ASTN2: variants seen among roughly 807,000 people sequenced by gnomAD.
ASTN2 encodes the protein astrotactin 2.
In ASTN2, 54 loss-of-function variants were observed where a neutral mutation model predicts 139.8. That is an observed-to-expected ratio of 0.39 (90% confidence interval 0.31 to 0.48). The LOEUF is 0.48. Among genes scored for constraint, ASTN2 ranks in the 20% least tolerant of loss-of-function variants. The pLI, the probability that ASTN2 is intolerant of heterozygous loss-of-function variation, is 0.95. For missense variants in ASTN2, 1,565 were observed against 1,725.1 expected, an observed-to-expected ratio of 0.91 and a Z score of 1.64; for synonymous variants, 756 against 719.5, an observed-to-expected ratio of 1.05 and a Z score of -0.81.
At chr9:117,217,584 C>G (rs924859200) in intron 2 of ASTN2, among the ~76,000 whole-genome samples, 1 of 152,208 alleles carries the variant, frequency 6.6e-6, no homozygotes, top group Non-Finnish European at 1.5e-5. Context: ...TGCTTAGACA[C>G]TCTGTGACCT....
At chr9:117,411,064 C>A (rs181962835) in intron 1 of ASTN2, among the ~76,000 whole-genome samples, 733 of 152,270 alleles carry the variant, frequency 4.8e-3, no homozygotes, top group Non-Finnish European at 8.4e-3. Flanking sequence ...AGGTGTCTGG[C>A]AGACCAGGAT....
intron 10 of ASTN2, among the ~76,000 whole-genome samples, chr9:116,900,409 T>TC (rs1833978937): frequency 6.6e-6 from 1 of 152,072 alleles, no homozygotes; most frequent in African/African-American, 2.4e-5. Flanking sequence ...TTTGATCTTC[T>TC]CCCCCCTCAC....
intron 13 of ASTN2, among the ~76,000 whole-genome samples, chr9:116,772,269 G>C (rs1829971773): frequency 6.6e-6 from 1 of 152,150 alleles, no homozygotes; most frequent in Non-Finnish European, 1.5e-5. Flanking sequence ...AATTATGGGG[G>C]TGGGTGTTTC....
In ASTN2 at chr9:116,424,208, A is replaced by T. The variant is rs149071170; in HGVS notation, c.*1643T>A. Among the ~76,000 whole-genome samples the T allele has an allele frequency of 1.3e-5, 2 of 152,244 alleles. No homozygotes were observed. The highest frequency in any genetic ancestry group is 3.9e-4 in the East Asian group (2 of 5,178). ...AGGATATTTCAATGATACCTCAATA[A>T]AGCTGTTTTAAAAATAGATAAATAA... On this transcript the variant is annotated 3_prime_UTR_variant, in exon 23 of 23. Transcript: ENST00000313400.
chr9:117,282,405 C>G (rs1310664027), intron 2 of ASTN2, among the ~76,000 whole-genome samples: 1 of 152,212 alleles, frequency 6.6e-6, no homozygotes, highest in Non-Finnish European at 1.5e-5. Context: ...TTGCCATCTC[C>G]AAGATACCCT....
chr9:116,894,318 A>G (rs940281265), intron 10 of ASTN2, among the ~76,000 whole-genome samples: 1 of 152,004 alleles, frequency 6.6e-6, no homozygotes, highest in Admixed American at 6.6e-5. Context: ...GTACCTATTT[A>G]AAAAAAAGTC....
intron 4 of ASTN2, among the ~76,000 whole-genome samples, chr9:117,124,163 T>C (rs966796988): frequency 2.6e-5 from 4 of 152,154 alleles, no homozygotes; most frequent in South Asian, 4.1e-4. Flanking sequence ...AGCTATAGCA[T>C]AGTGGGCAGA....
chr9:117,247,372 C>T (rs1050177535), intron 2 of ASTN2, among the ~76,000 whole-genome samples: 1 of 152,142 alleles, frequency 6.6e-6, no homozygotes, highest in Non-Finnish European at 1.5e-5. Flanking sequence ...TAAAGCAGCC[C>T]CATCATTGAT....
intron 10 of ASTN2, among the ~76,000 whole-genome samples, chr9:116,937,874 T>C (rs10817962): frequency 0.99 from 151,164 of 152,326 alleles, 75,018 homozygotes; most frequent in East Asian, 1. Flanking sequence ...CTTCATAAAG[T>C]TCACTGTCTA....
chr9:116,779,809 T>C (rs1218878919), intron 13 of ASTN2, among the ~76,000 whole-genome samples: 2 of 152,310 alleles, frequency 1.3e-5, no homozygotes, highest in East Asian at 3.9e-4. Flanking sequence ...CAATAATTAA[T>C]TTATTCATTC....
intron 6 of ASTN2, among the ~76,000 whole-genome samples, chr9:117,013,927 C>G (rs1312315675): frequency 1.3e-5 from 2 of 152,114 alleles, no homozygotes; most frequent in Non-Finnish European, 2.9e-5. Context: ...AGGCTCTGGT[C>G]ACAGTGGCAA....
At chr9:116,645,207 C>A (rs1857528367) in intron 17 of ASTN2, among the ~76,000 whole-genome samples, 1 of 152,170 alleles carries the variant, frequency 6.6e-6, no homozygotes, top group African/African-American at 2.4e-5. Context: ...CTCTCTTTCA[C>A]CCAGGAGCTA....
intron 16 of ASTN2, among the ~76,000 whole-genome samples, chr9:116,719,000 A>ATATATATATATATATATATATATTT (rs1564230257): frequency 7.0e-6 from 1 of 143,216 alleles, no homozygotes; most frequent in Non-Finnish European, 1.5e-5. Context: ...ATCTGCCTAT[A>ATATATATATATATATATATATATTT]AGTCTCTCGC....
chr9:116,702,077 A>G (rs748095928), intron 16 of ASTN2, among the ~76,000 whole-genome samples: 12 of 152,134 alleles, frequency 7.9e-5, no homozygotes, highest in Admixed American at 7.2e-4. Flanking sequence ...GTGAATCTAC[A>G]GAATACTTTT....
intron 1 of ASTN2, among the ~76,000 whole-genome samples, chr9:117,347,800 T>C (rs1369891783): frequency 6.6e-6 from 1 of 152,122 alleles, no homozygotes. Context: ...TGACCTCACA[T>C]CTCTCCTTGT....
In ASTN2 at chr9:116,942,690, A is replaced by G. The variant is rs1564352303; in HGVS notation, c.1889+32518T>C. ...CCCTGAGCAGGTGTCCTTTCTGCATATAAGGAAGCTAGCCAGAAATAAGTG... is the reference window on the plus strand; with the variant it reads ...CCCTGAGCAGGTGTCCTTTCTGCATGTAAGGAAGCTAGCCAGAAATAAGTG... On this transcript the variant is annotated intron_variant, in intron 10 of 22. Transcript: ENST00000313400. Among the ~76,000 whole-genome samples the G allele has an allele frequency of 3.9e-5, 6 of 152,336 alleles. No homozygotes were observed. In the South Asian group the frequency reaches 8.3e-4, roughly 21 times the overall value.
chr9:117,086,886 A>C (rs927439050), intron 5 of ASTN2, among the ~76,000 whole-genome samples: 1 of 152,102 alleles, frequency 6.6e-6, no homozygotes, highest in Non-Finnish European at 1.5e-5. Context: ...GATCTGCCCC[A>C]TATCTTGGAC....
At chr9:117,041,027 C>T (rs72757432) in intron 5 of ASTN2, among the ~76,000 whole-genome samples, 7,335 of 152,186 alleles carry the variant, frequency 0.048, 254 homozygotes, top group South Asian at 0.11. Context: ...AATTGTGTTA[C>T]GACCTAGAAG....
chr9:116,990,264 TTTTG>T (rs1199728064), intron 7 of ASTN2, among the ~76,000 whole-genome samples: 1 of 152,212 alleles, frequency 6.6e-6, no homozygotes, highest in Non-Finnish European at 1.5e-5. Flanking sequence ...TTAAAAGTTC[TTTTG>T]TTTGTTTGTT....
Sources: allele counts gnomAD v4.1 joint callset (sites outside exome capture counted in the v4.1 genomes callset), GRCh38; gene constraint gnomAD v4.1.1; transcripts MANE v1.5; gene names NCBI Gene and HGNC (gene_info 2026-07-23, HGNC 2026-07-21).